The following VIT variants were observed in gnomAD, a reference collection of about 807,000 sequenced individuals.
The protein encoded by VIT is vitrin.
Under a neutral mutation model 78.0 loss-of-function variants are expected in VIT, and 99 were observed. The observed-to-expected ratio is 1.27, with a 90% confidence interval of 1.08 to 1.50. The LOEUF (loss-of-function observed/expected upper bound fraction) is 1.50. Among genes scored for constraint, VIT ranks in the 40% most tolerant of loss-of-function variants. VIT has a pLI of 0.00. For missense variants in VIT, 1,126 were observed against 875.3 expected (o/e 1.29, Z -3.61); for synonymous variants, 374 against 334.3 (o/e 1.12, Z -1.29).
intron 3 of VIT, among the ~76,000 whole-genome samples, chr2:36,732,018 A>G (rs965463733): frequency 1.3e-5 from 2 of 152,208 alleles, no homozygotes; most frequent in African/African-American, 2.4e-5. Flanking sequence ...GAAATACTAA[A>G]AAGGAATCAG....
chr2:36,800,879 A>G (rs1666274213), intron 12 of VIT, among the ~76,000 whole-genome samples: 1 of 152,172 alleles, frequency 6.6e-6, no homozygotes, highest in African/African-American at 2.4e-5. Context: ...GGTAACCCAG[A>G]GAGTGGCTGA....
At chr2:36,736,237 T>G (rs879694327) in intron 3 of VIT, among the ~76,000 whole-genome samples, 6 of 152,158 alleles carry the variant, frequency 3.9e-5, no homozygotes, top group Non-Finnish European at 8.8e-5. Flanking sequence ...AAATAAAGAT[T>G]GAAGGGCTTA....
chr2:36,737,932 T>C (rs1292090179), intron 3 of VIT, among the ~76,000 whole-genome samples: 1 of 152,192 alleles, frequency 6.6e-6, no homozygotes, highest in Non-Finnish European at 1.5e-5. Context: ...TCTTCTGATA[T>C]GGGTGAGAAA....
chr2:36,783,433 T>A, intron 11 of VIT, 31 bp downstream of exon 11: 1 of 1,610,366 alleles, frequency 6.2e-7, no homozygotes, highest in Non-Finnish European at 8.5e-7. Flanking sequence ...AAACCCACGG[T>A]GTCTTTGACA....
rs182467083 is a variant in VIT, at chr2:36,779,562, C to T, written c.803-2165C>T. Among the ~76,000 whole-genome samples, 38 of 152,126 alleles carry T rather than the reference C, an allele frequency of 2.5e-4. No homozygotes were observed. In the East Asian group the frequency reaches 3.9e-3, roughly 15 times the overall value. ...ATGGTGGTTTTCTATACAGATCATC[C>T]GATCACCTAGGTATTAAACCCAGCA... On this transcript the variant is annotated intron_variant, in intron 9 of 15. Transcript: ENST00000379242.
At chr2:36,787,422 A>G in intron 12 of VIT, 146 bp downstream of exon 12, 1 of 1,180,382 alleles carries the variant, frequency 8.5e-7, no homozygotes, top group Non-Finnish European at 1.1e-6. Flanking sequence ...ATGTAAATGA[A>G]AAAACTGAAG....
At chr2:36,810,187 A>G (rs998511040) in intron 15 of VIT, among the ~76,000 whole-genome samples, 1 of 152,080 alleles carries the variant, frequency 6.6e-6, no homozygotes, top group Non-Finnish European at 1.5e-5. Context: ...GCTACTCAGG[A>G]GGCTGAGGCA....
At chr2:36,809,496 C>T (rs1666993225) in intron 15 of VIT, among the ~76,000 whole-genome samples, 1 of 152,208 alleles carries the variant, frequency 6.6e-6, no homozygotes, top group Non-Finnish European at 1.5e-5. Flanking sequence ...CCAATCACTG[C>T]AACCTCTGCC....
At chr2:36,713,902 C>T (rs773603725) in intron 1 of VIT, among the ~76,000 whole-genome samples, 2 of 152,342 alleles carry the variant, frequency 1.3e-5, no homozygotes, top group Non-Finnish European at 2.9e-5. Context: ...CTTGAAGATA[C>T]ATAAATTGTT....
intron 11 of VIT, among the ~76,000 whole-genome samples, chr2:36,783,653 G>A (rs186396804): frequency 2.3e-4 from 35 of 152,312 alleles, no homozygotes; most frequent in Non-Finnish European, 4.0e-4. Flanking sequence ...GGGATGGAAC[G>A]GAAAGACAAG....
intron 5 of VIT, among the ~76,000 whole-genome samples, chr2:36,757,286 C>T (rs1054783530): frequency 4.6e-5 from 7 of 152,176 alleles, no homozygotes; most frequent in Non-Finnish European, 8.8e-5. Flanking sequence ...AACTAATTCA[C>T]TTTGGTGAGC....
chr2:36,707,659 G>A (rs1185323217), intron 1 of VIT, among the ~76,000 whole-genome samples: 3 of 152,124 alleles, frequency 2.0e-5, no homozygotes, highest in Non-Finnish European at 2.9e-5. Flanking sequence ...TTACCAAATC[G>A]GGATTCTGTT....
chr2:36,755,219 T>C (rs981385834), intron 5 of VIT, among the ~76,000 whole-genome samples, 165 bp downstream of exon 5: 2 of 152,226 alleles, frequency 1.3e-5, no homozygotes, highest in African/African-American at 4.8e-5. Context: ...TAGAATTACA[T>C]GATAAATCAC....
chr2:36,762,894 T>G (rs1669207753), intron 6 of VIT, among the ~76,000 whole-genome samples: 2 of 152,124 alleles, frequency 1.3e-5, no homozygotes, highest in South Asian at 4.2e-4. Flanking sequence ...TTAAATACTG[T>G]TCCCCCACCA....
In VIT at chr2:36,697,835, C is replaced by T. The variant is rs114127619; in HGVS notation, c.-19+862C>T. 4.0e-3 allele frequency among the ~76,000 whole-genome samples: 607 copies of T among 152,222 alleles called. 4 individuals are homozygous for T. Among genetic ancestry groups the T allele is most frequent in the African/African-American group, 0.014 (573 of 41,532 alleles). ...AAAAATAAAAACAAGCATTCTTGGCCGTGGTGGTTGCTCAAAATTGCGTGT... is the reference window on the plus strand; with the variant it reads ...AAAAATAAAAACAAGCATTCTTGGCTGTGGTGGTTGCTCAAAATTGCGTGT... On this transcript the variant is annotated intron_variant, in intron 1 of 15. Transcript: ENST00000379242.
At chr2:36,781,633 A>G in intron 9 of VIT, 94 bp from the exon 10 acceptor site, 1 of 1,435,908 alleles carries the variant, frequency 7.0e-7, no homozygotes. Flanking sequence ...TTCAGACACA[A>G]TTGGGAAACC....
chr2:36,759,021 A>G lies in VIT; in HGVS notation c.462A>G (p.Ser154=). The G allele has an allele frequency of 1.9e-6, 3 of 1,614,110 alleles. No homozygotes were observed. The highest frequency in any genetic ancestry group is 2.5e-6 in the Non-Finnish European group (3 of 1,180,032). Residue 154 remains serine, a synonymous_variant, in exon 6 of 16, where the codon TCA becomes TCG. Coordinates refer to ENST00000379242, the MANE Select transcript of VIT (RefSeq NM_053276.4). ...VTYPSALTYS[S]SKSPAAQAGE... is the part of the protein sequence containing the mutation. ...ACCCATCAGCTCTTACATACTCATC[A>G]TCGAAAAGTCCAGCTGCCCAAGCAG...
intron 1 of VIT, among the ~76,000 whole-genome samples, chr2:36,699,075 T>C (rs1431507808): frequency 6.6e-6 from 1 of 152,150 alleles, no homozygotes; most frequent in African/African-American, 2.4e-5. Context: ...CCCATGATGC[T>C]GTGTCCACAT....
chr2:36,732,322 T>C (rs568197454), intron 3 of VIT, among the ~76,000 whole-genome samples: 2 of 152,350 alleles, frequency 1.3e-5, no homozygotes, highest in African/African-American at 4.8e-5. Flanking sequence ...TCTAGCCTTA[T>C]TCTCAAAATC....
Sources: allele counts gnomAD v4.1 joint callset (sites outside exome capture counted in the v4.1 genomes callset), GRCh38; gene constraint gnomAD v4.1.1; transcripts MANE v1.5; gene names NCBI Gene and HGNC (gene_info 2026-07-23, HGNC 2026-07-21).